Variants in RFFL observed in about 807,000 individuals in gnomAD.
The protein encoded by RFFL is E3 ubiquitin-protein ligase rififylin.
A neutral mutation model predicts 40.4 loss-of-function variants in RFFL; 16 were observed. The ratio of observed to expected loss-of-function variants is 0.40; its 90% confidence interval spans 0.27 to 0.60. The LOEUF (loss-of-function observed/expected upper bound fraction) is 0.60. RFFL is among the 20% of genes least tolerant of loss of function. The probability of loss-of-function intolerance (pLI) is 0.47; values close to 1 mark genes in which losing one functional copy is unlikely to be tolerated. For missense variants in RFFL, 367 were observed against 451.7 expected (o/e 0.81, Z 1.70); for synonymous variants, 154 against 167.9 (o/e 0.92, Z 0.64).
rs78417760 is a variant in RFFL at position 35,079,826 on chromosome 17, C to A, written c.-9+9279G>T. 3.9e-5 allele frequency among the ~76,000 whole-genome samples: 6 copies of A among 152,228 alleles called. No individual in the cohort carries two copies. In the Middle Eastern group the frequency reaches 0.01, roughly 259 times the overall value. ...AATATTCTGACATCCCTCTTCCCACCCTCTCAGTAAACAATGGCTAAGGTA... is the reference window on the plus strand; with the variant it reads ...AATATTCTGACATCCCTCTTCCCACACTCTCAGTAAACAATGGCTAAGGTA... On this transcript the variant is annotated intron_variant, in intron 1 of 6. Coordinates refer to the RFFL transcript ENST00000315249.
At chr17:35,016,312 T>A in intron 5 of RFFL, 58 bp downstream of exon 5, 1 of 1,466,600 alleles carries the variant, frequency 6.8e-7, no homozygotes, top group Non-Finnish European at 9.5e-7. Flanking sequence ...CATCATGCTT[T>A]GGAGTGACAG....
chr17:35,040,841 CTTTTT>C (rs869061281), intron 1 of RFFL, among the ~76,000 whole-genome samples: 2,409 of 62,320 alleles, frequency 0.039, 85 homozygotes, highest in African/African-American at 0.13. Flanking sequence ...GCTTTAATGT[CTTTTT>C]TTTTTTTTTT....
At chr17:35,048,586 T>C (rs1001350392) in intron 1 of RFFL, among the ~76,000 whole-genome samples, 1 of 152,118 alleles carries the variant, frequency 6.6e-6, no homozygotes, top group Non-Finnish European at 1.5e-5. Flanking sequence ...TTTATCCTCC[T>C]TGCAGCCCCA....
At position 35,011,195 on chromosome 17, in the gene RFFL, A is replaced by G. The variant is rs1165259096; in HGVS notation, c.*773T>C. On this transcript the variant is annotated 3_prime_UTR_variant, in exon 7 of 7. Transcript: ENST00000394597. ...GTGCAAATCAGGTCCCAAGAGAAGC[A>G]GCAGCAGGGATTATGCACGCACTAT... The G allele has an allele frequency of 6.6e-6, 1 of 152,230 alleles. No individual in the cohort carries two copies. The highest frequency in any genetic ancestry group is 1.5e-5 in the Non-Finnish European group (1 of 68,056). The allele number at this position is 152,230 out of a possible 1,614,324, so 9.4% of individuals were successfully genotyped here.
intron 1 of RFFL, among the ~76,000 whole-genome samples, chr17:35,084,149 G>T (rs921942974): frequency 4.6e-5 from 7 of 152,154 alleles, no homozygotes; most frequent in Admixed American, 4.6e-4. Flanking sequence ...GGAGGCAGGA[G>T]AATTGCTTGA....
chr17:35,038,286 CAAAAAAAAAAA>C (rs33952696), intron 1 of RFFL, among the ~76,000 whole-genome samples: 78 of 99,330 alleles, frequency 7.9e-4, no homozygotes, highest in Middle Eastern at 4.8e-3. Flanking sequence ...AAAACTGTCT[CAAAAAAAAAAA>C]AAAAAAAAAG....
intron 1 of RFFL, among the ~76,000 whole-genome samples, chr17:35,077,313 T>C (rs1391413159): frequency 1.3e-5 from 2 of 152,100 alleles, no homozygotes; most frequent in Non-Finnish European, 2.9e-5. Flanking sequence ...TAAGATGTCC[T>C]AAGAACCACT....
rs375412602 is a variant in RFFL, at chr17:35,010,782, C to T, written c.*1186G>A. The T allele has an allele frequency of 8.6e-5, 13 of 152,022 alleles. No homozygotes were observed. Among genetic ancestry groups the T allele is most frequent in the African/African-American group, 3.1e-4 (13 of 41,348 alleles). The allele number at this position is 152,022 out of a possible 1,614,324, so 9.4% of individuals were successfully genotyped here. ...AAAAATGCTTTCTCCCTGACCTGCCCCCAAAAATCAGTGGGCTAGGAAAGG... is the reference window on the plus strand; with the variant it reads ...AAAAATGCTTTCTCCCTGACCTGCCTCCAAAAATCAGTGGGCTAGGAAAGG... On this transcript the variant is annotated 3_prime_UTR_variant, in exon 7 of 7. Transcript: ENST00000394597.
intron 1 of RFFL, 34 bp from the exon 2 acceptor site, chr17:35,026,595 G>A: frequency 1.3e-6 from 2 of 1,560,332 alleles, no homozygotes; most frequent in Non-Finnish European, 1.8e-6. Context: ...AAAGGTCAGA[G>A]TTAAGACACA....
At position 35,087,520 on chromosome 17, in the gene RFFL, T is replaced by C. The variant is rs116981608; in HGVS notation, c.-9+1585A>G. On this transcript the variant is annotated intron_variant, in intron 1 of 6. Coordinates refer to the RFFL transcript ENST00000315249. ...GGTTAAACTGGTCGATTTAAATATTTACAACCCTTGATCCCAATGTAAACA... is the reference window on the plus strand; with the variant it reads ...GGTTAAACTGGTCGATTTAAATATTCACAACCCTTGATCCCAATGTAAACA... Among the ~76,000 whole-genome samples, 5 of 152,330 alleles carry C rather than the reference T, an allele frequency of 3.3e-5. No homozygotes were observed. In the East Asian group the frequency reaches 9.6e-4, roughly 29 times the overall value.
intron 1 of RFFL, among the ~76,000 whole-genome samples, chr17:35,033,388 T>C (rs538956827): frequency 6.6e-6 from 1 of 150,694 alleles, no homozygotes; most frequent in Non-Finnish European, 1.5e-5. Flanking sequence ...ATTACCCGGG[T>C]ATGGTAGCAC....
chr17:35,035,803 A>T lies in RFFL; in HGVS notation c.-8-9242T>A, dbSNP rs921259581. 1.3e-5 allele frequency among the ~76,000 whole-genome samples: 2 copies of T among 151,922 alleles called. 1 individual carries two copies. Among genetic ancestry groups the T allele is most frequent in the South Asian group, 4.1e-4 (2 of 4,832 alleles). On this transcript the variant is annotated intron_variant, in intron 1 of 6. Coordinates refer to ENST00000394597, the MANE Select transcript of RFFL (RefSeq NM_001017368.2). ...ACTGCAACCTCCATCTCCAGGGTTC[A>T]AGCGATTCTCCTGCCTCAGCCTCCT...
intron 1 of RFFL, among the ~76,000 whole-genome samples, chr17:35,035,462 G>A (rs1229855693): frequency 6.6e-6 from 1 of 151,638 alleles, no homozygotes; most frequent in Non-Finnish European, 1.5e-5. Context: ...AAGTTTAGGT[G>A]GAGAATGAAG....
chr17:35,061,662 C>T (rs1451558782), intron 1 of RFFL, among the ~76,000 whole-genome samples: 1 of 148,932 alleles, frequency 6.7e-6, no homozygotes, highest in Non-Finnish European at 1.5e-5. Flanking sequence ...AGGGTTTCAC[C>T]ATGTTGGCCA....
chr17:35,019,591 T>C (rs1395590726), intron 3 of RFFL, among the ~76,000 whole-genome samples: 1 of 151,980 alleles, frequency 6.6e-6, no homozygotes. Flanking sequence ...CAGGCTAGTC[T>C]CAAATGCCTG....
intron 1 of RFFL, among the ~76,000 whole-genome samples, chr17:35,037,985 A>C (rs1597824284): frequency 6.6e-6 from 1 of 152,118 alleles, no homozygotes; most frequent in East Asian, 1.9e-4. Context: ...AATGTTGATA[A>C]GGATAAAGAG....
intron 1 of RFFL, among the ~76,000 whole-genome samples, chr17:35,034,828 A>C (rs1267547541): frequency 1.3e-5 from 2 of 152,164 alleles, no homozygotes; most frequent in African/African-American, 4.8e-5. Flanking sequence ...GCCCAGCAAA[A>C]ATCAATGTAC....
rs2091008845 is a variant in RFFL at position 35,021,584 on chromosome 17, T to C, written c.378A>G (p.Lys126=). ...CAAGGACCAAGAGCACCAGCTCTTC[T>C]TTCTCCCGGCACATTTCGGTAGAGA... The part of the protein sequence containing the change: ...HDISTEMCRE[K]EELVLLVLGQ... The change falls in exon 3 of 7, where the codon AAA becomes AAG. Residue 126 remains lysine (K), a synonymous_variant. Transcript: ENST00000394597. The C allele has an allele frequency of 1.9e-6, 3 of 1,614,194 alleles. No individual in the cohort carries two copies. The highest frequency in any genetic ancestry group is 2.5e-6 in the Non-Finnish European group (3 of 1,180,018).
chr17:35,026,675 G>C (rs1445865274), intron 1 of RFFL, 114 bp from the exon 2 acceptor site: 6 of 754,568 alleles, frequency 8.0e-6, no homozygotes, highest in Non-Finnish European at 1.3e-5. Flanking sequence ...TGCCACCAAG[G>C]TGGAGGGGAG....
Sources: gnomAD v4.1 joint callset for allele counts (sites outside exome capture counted in the v4.1 genomes callset) on GRCh38, gnomAD v4.1.1 for gene constraint, MANE v1.5 for transcripts, NCBI Gene and HGNC (gene_info 2026-07-23, HGNC 2026-07-21) for gene names.